Variants in DOCK10 observed in about 807,000 individuals in gnomAD.
DOCK10 encodes dedicator of cytokinesis protein 10.
Under a neutral mutation model 280.1 loss-of-function variants are expected in DOCK10, and 145 were observed. That is an observed-to-expected ratio of 0.52 (90% CI 0.45 to 0.59). The LOEUF (loss-of-function observed/expected upper bound fraction) is 0.59. Ranked by LOEUF, DOCK10 falls within the 20% of genes least tolerant of loss-of-function variation. DOCK10 has a pLI of 0.00. For missense variants in DOCK10, 2,368 were observed against 2,651.7 expected, an observed-to-expected ratio of 0.89 and a Z score of 2.35; for synonymous variants, 915 against 942.2, an observed-to-expected ratio of 0.97 and a Z score of 0.53.
chr2:225,016,912 G>A (rs1308414733), intron 1 of DOCK10, among the ~76,000 whole-genome samples: 3 of 151,570 alleles, frequency 2.0e-5, no homozygotes, highest in Non-Finnish European at 4.4e-5. Context: ...TAGTAGGTAC[G>A]GGGTTTCGCC....
chr2:224,854,959 A>G lies in DOCK10; in HGVS notation c.1888+4T>C. The G allele has an allele frequency of 6.2e-7, 1 of 1,601,272 alleles. No homozygotes were observed. The highest frequency in any genetic ancestry group is 1.1e-5 in the South Asian group (1 of 89,312). ...GCAACCAAACCATGACATCATCATC[A>G]TACTTGGATGCTCCAAGGGAACGTT... On this transcript the variant is annotated splice_donor_region_variant and intron_variant, in intron 16 of 55. Coordinates refer to ENST00000258390, the MANE Select transcript of DOCK10 (RefSeq NM_014689.3).
chr2:224,827,940 G>A, intron 27 of DOCK10, among the ~76,000 whole-genome samples: 1 of 152,190 alleles, frequency 6.6e-6, no homozygotes, highest in Non-Finnish European at 1.5e-5. Context: ...CTCTGAGGAA[G>A]TGGCTCTGCA....
intron 1 of DOCK10, among the ~76,000 whole-genome samples, chr2:224,956,304 G>A (rs1321313991): frequency 9.2e-5 from 14 of 152,138 alleles, no homozygotes; most frequent in Admixed American, 9.2e-4. Flanking sequence ...CTCTCATTTG[G>A]GGGGTTTAGT....
chr2:224,876,255 T>C (rs370107523), intron 7 of DOCK10, 34 bp from the exon 8 acceptor site: 39 of 1,525,816 alleles, frequency 2.6e-5, no homozygotes, highest in Middle Eastern at 1.7e-4. Context: ...AAAAAGAGAA[T>C]ACCAAAAAAT....
intron 3 of DOCK10, among the ~76,000 whole-genome samples, chr2:224,905,012 CA>C (rs1700512642): frequency 6.6e-6 from 1 of 152,088 alleles, no homozygotes; most frequent in African/African-American, 2.4e-5. Context: ...GTTTAGGACG[CA>C]AGTCTTATCT....
chr2:224,940,389 A>G (rs373543779), intron 1 of DOCK10, among the ~76,000 whole-genome samples: 12 of 152,244 alleles, frequency 7.9e-5, no homozygotes, highest in African/African-American at 2.9e-4. Flanking sequence ...TACAAGGAAT[A>G]GTGCCTAGAA....
chr2:225,010,056 C>A (rs1320100177), intron 1 of DOCK10, among the ~76,000 whole-genome samples: 1 of 152,110 alleles, frequency 6.6e-6, no homozygotes, highest in Non-Finnish European at 1.5e-5. Context: ...TTGGCTGGGG[C>A]TTTACTCATG....
At chr2:224,778,656 C>T (rs1247404746) in intron 50 of DOCK10, among the ~76,000 whole-genome samples, 1 of 152,078 alleles carries the variant, frequency 6.6e-6, no homozygotes, top group African/African-American at 2.4e-5. Context: ...TGGCAGCATT[C>T]AAAGAGCAGT....
chr2:224,827,700 A>T (rs4674944), intron 27 of DOCK10, among the ~76,000 whole-genome samples: 50,350 of 152,032 alleles, frequency 0.33, 10,700 homozygotes, highest in African/African-American at 0.6. Context: ...GATACGAACC[A>T]TTTTTACCTT....
chr2:224,973,438 C>CAGAGTCGG (rs935057520), intron 1 of DOCK10, among the ~76,000 whole-genome samples: 1 of 152,052 alleles, frequency 6.6e-6, no homozygotes, highest in Non-Finnish European at 1.5e-5. Flanking sequence ...AGTCAGAGAT[C>CAGAGTCGG]AGAGTCGGAG....
intron 55 of DOCK10, among the ~76,000 whole-genome samples, chr2:224,768,161 C>CCAGCCT (rs1206527955): frequency 6.6e-6 from 1 of 152,180 alleles, no homozygotes; most frequent in African/African-American, 2.4e-5. Flanking sequence ...AGGTGATCCA[C>CCAGCCT]CAGCCTCAGC....
At chr2:224,803,770 A>C (rs1177236266) in intron 39 of DOCK10, among the ~76,000 whole-genome samples, 1 of 152,186 alleles carries the variant, frequency 6.6e-6, no homozygotes, top group Non-Finnish European at 1.5e-5. Flanking sequence ...AGCTAGCATT[A>C]AAAGAGGCAT....
At position 224,993,202 on chromosome 2, in the gene DOCK10, G is replaced by GTTTT. The variant is rs112976099; in HGVS notation, c.123+49046_123+49049dup. ...AGACTCAGATGGTCTTTCTTTGGAA[G>GTTTT]TTTTTTTTTTTTTTTTGCTGTCCAA... On this transcript the variant is annotated intron_variant, in intron 1 of 55. Transcript: ENST00000258390. Among the ~76,000 whole-genome samples the GTTTT allele has an allele frequency of 2.5e-3, 338 of 136,226 alleles. 1 individual carries two copies. Among genetic ancestry groups the GTTTT allele is most frequent in the Non-Finnish European group, 3.9e-3 (244 of 62,668 alleles). 89.4% of individuals were successfully genotyped at this position (136,226 alleles called of 152,430 possible).
intron 1 of DOCK10, among the ~76,000 whole-genome samples, chr2:224,992,101 T>G (rs866852885): frequency 1.1e-4 from 16 of 152,228 alleles, no homozygotes; most frequent in Non-Finnish European, 1.2e-4. Flanking sequence ...TTTTTAAAAG[T>G]TAAGTGATCA....
At chr2:224,945,635 C>T (rs1256401263) in intron 1 of DOCK10, among the ~76,000 whole-genome samples, 2 of 151,888 alleles carry the variant, frequency 1.3e-5, no homozygotes, top group Non-Finnish European at 2.9e-5. Context: ...AGGCAACGTA[C>T]TTATTCATAT....
rs79773335 is a variant in DOCK10, at chr2:224,845,405, C to T, written c.2360-81G>A. ...TCACAATAATGCTATTTATTATTTA[C>T]GAACACTAAATTTCATGAAAAATAA... On this transcript the variant is annotated intron_variant, in intron 20 of 55. Coordinates refer to ENST00000258390, the MANE Select transcript of DOCK10 (RefSeq NM_014689.3). 7.3e-3 allele frequency: 11,213 copies of T among 1,527,624 alleles called. 53 individuals are homozygous for T. Among genetic ancestry groups the T allele is most frequent in the Admixed American group, 9.0e-3 (426 of 47,350 alleles). 94.6% of individuals were successfully genotyped at this position (1,527,624 alleles called of 1,614,324 possible).
At chr2:225,013,707 G>A (rs1017336795) in intron 1 of DOCK10, among the ~76,000 whole-genome samples, 3 of 152,188 alleles carry the variant, frequency 2.0e-5, no homozygotes, top group African/African-American at 7.2e-5. Context: ...AGGCTTGAGT[G>A]AAGGCATCCT....
intron 1 of DOCK10, among the ~76,000 whole-genome samples, chr2:224,964,413 C>T (rs1575123516): frequency 2.0e-5 from 3 of 152,130 alleles, no homozygotes; most frequent in Admixed American, 1.3e-4. Context: ...GAACCATGGA[C>T]CCAGGAATAA....
In DOCK10 at chr2:224,765,464, G is replaced by T; in HGVS notation, c.*257C>A. ...CATACAATAACTGACAGCAAACTTAGGGTTTGCATTTGAGCTACACATTCA... is the reference window on the plus strand; with the variant it reads ...CATACAATAACTGACAGCAAACTTATGGTTTGCATTTGAGCTACACATTCA... On this transcript the variant is annotated 3_prime_UTR_variant, in exon 56 of 56. Coordinates refer to ENST00000258390, the MANE Select transcript of DOCK10 (RefSeq NM_014689.3). 2.7e-6 allele frequency: 1 copy of T among 375,602 alleles called. No individual in the cohort carries two copies. Among genetic ancestry groups the T allele is most frequent in the Non-Finnish European group, 4.8e-6 (1 of 206,872 alleles). The allele number at this position is 375,602 out of a possible 1,614,324, so 23.3% of individuals were successfully genotyped here.
Sources: allele counts gnomAD v4.1 joint callset (sites outside exome capture counted in the v4.1 genomes callset), GRCh38; gene constraint gnomAD v4.1.1; transcripts MANE v1.5; gene names NCBI Gene and HGNC (gene_info 2026-07-23, HGNC 2026-07-21).